The following CEP162 variants were observed in gnomAD, a reference collection of about 807,000 sequenced individuals.
The protein encoded by CEP162 is centrosomal protein 162, also known as centrosomal protein of 162 kDa.
CEP162 carries 141 observed loss-of-function variants against 169.2 expected under a neutral mutation model. That is an observed-to-expected ratio of 0.83 (90% CI 0.73 to 0.96). CEP162 has a LOEUF of 0.96. Ranked by LOEUF, CEP162 falls within the 40% of genes least tolerant of loss-of-function variation. The pLI, the probability that CEP162 is intolerant of heterozygous loss-of-function variation, is 0.00. For synonymous variants in CEP162, 540 were observed against 526.4 expected (o/e 1.03, Z -0.35); for missense variants, 1,600 against 1,587.2 (o/e 1.01, Z -0.14).
At chr6:84,194,093 G>A (rs571908496) in intron 10 of CEP162, among the ~76,000 whole-genome samples, 1 of 152,264 alleles carries the variant, frequency 6.6e-6, no homozygotes, top group East Asian at 1.9e-4. Flanking sequence ...AGTGGCTCAT[G>A]CCTGTAATCT....
intron 13 of CEP162, among the ~76,000 whole-genome samples, chr6:84,182,265 A>C (rs551400993): frequency 8.5e-4 from 129 of 152,234 alleles, no homozygotes; most frequent in African/African-American, 3.0e-3. Context: ...CATTGCAAGC[A>C]TTCTTTCACT....
At chr6:84,206,375 T>C (rs1475213556) in intron 6 of CEP162, among the ~76,000 whole-genome samples, 1 of 152,008 alleles carries the variant, frequency 6.6e-6, no homozygotes, top group African/African-American at 2.4e-5. Context: ...AACAGAGATG[T>C]AGACCAATGG....
At chr6:84,210,149 T>C (rs1325910761) in intron 6 of CEP162, among the ~76,000 whole-genome samples, 1 of 152,200 alleles carries the variant, frequency 6.6e-6, no homozygotes, top group Non-Finnish European at 1.5e-5. Context: ...CGCAGGTAGA[T>C]GTTACATATT....
intron 9 of CEP162, among the ~76,000 whole-genome samples, chr6:84,195,873 A>G (rs1014554282): frequency 6.6e-6 from 1 of 152,140 alleles, no homozygotes; most frequent in Admixed American, 6.5e-5. Flanking sequence ...TGACTCCCAA[A>G]TCTATGTCTT....
rs141495383 is a variant in CEP162 at position 84,191,379 on chromosome 6, T to C, written c.1109+2230A>G. On this transcript the variant is annotated intron_variant, in intron 11 of 26. Coordinates refer to ENST00000403245, the MANE Select transcript of CEP162 (RefSeq NM_014895.4). ...TAACTGATTTAAGGTAGCCCCTTCT[T>C]AATAGAATAATAACCTAATCAAGGA... is the stretch of plus-strand genomic sequence containing the variant. Among the ~76,000 whole-genome samples, 18 of 152,304 alleles carry C rather than the reference T, an allele frequency of 1.2e-4. No homozygotes were observed. In the East Asian group the frequency reaches 3.1e-3, roughly 26 times the overall value.
At chr6:84,173,641 G>A (rs1562041242) in intron 16 of CEP162, among the ~76,000 whole-genome samples, 1 of 151,298 alleles carries the variant, frequency 6.6e-6, no homozygotes. Context: ...TATTTGCCAG[G>A]ATTACCATTA....
chr6:84,152,663 C>A lies in CEP162; in HGVS notation c.3511G>T (p.Glu1171Ter), dbSNP rs2099521562. Residue 1171 changes from glutamate to a stop codon, truncating the protein, a stop_gained, in exon 23 of 27, where the codon GAA (glutamate) becomes TAA (stop). Transcript: ENST00000403245. LOFTEE classifies it high-confidence loss of function. ...AATCTGTAGTTTTCTTGTAAAACTT[C>A]TGAAACATGGGAATCAGTGAAAGTA... ...PHTFTDSHVS[E>*]VLQENYRLKN... is the part of the protein sequence containing the mutation. The A allele has an allele frequency of 5.0e-6, 8 of 1,610,502 alleles. No individual in the cohort carries two copies. Among genetic ancestry groups the A allele is most frequent in the Non-Finnish European group, 6.8e-6 (8 of 1,178,256 alleles).
At chr6:84,127,579 A>AT (rs1183543430) in intron 25 of CEP162, among the ~76,000 whole-genome samples, 2 of 152,158 alleles carry the variant, frequency 1.3e-5, no homozygotes, top group Admixed American at 1.3e-4. Context: ...TATTAAAATT[A>AT]TTTTTTAAAA....
At chr6:84,130,648 G>T (rs1455040036) in intron 25 of CEP162, among the ~76,000 whole-genome samples, 1 of 152,148 alleles carries the variant, frequency 6.6e-6, no homozygotes, top group African/African-American at 2.4e-5. Context: ...TTTGCATAGA[G>T]GTGTTTATAG....
At chr6:84,194,378 GAA>G (rs959556544) in intron 10 of CEP162, among the ~76,000 whole-genome samples, 1 of 139,450 alleles carries the variant, frequency 7.2e-6, no homozygotes, top group African/African-American at 2.5e-5. Context: ...GAAAAGAAAA[GAA>G]AGTGAAATTT....
At chr6:84,195,114 A>G in intron 9 of CEP162, 39 bp from the exon 10 acceptor site, 1 of 1,424,720 alleles carries the variant, frequency 7.0e-7, no homozygotes, top group Non-Finnish European at 9.5e-7. Context: ...TAATTACATC[A>G]CAAATACATG....
intron 7 of CEP162, among the ~76,000 whole-genome samples, chr6:84,202,633 T>G (rs1251838166): frequency 2.0e-5 from 3 of 148,624 alleles, no homozygotes; most frequent in Admixed American, 1.4e-4. Flanking sequence ...GTTCGAGCAA[T>G]TCTCCTGCCT....
In CEP162 at chr6:84,185,468, G is replaced by C. The variant is rs2099536767; in HGVS notation, c.1402-20C>G. 6.3e-7 allele frequency: 1 copy of C among 1,590,114 alleles called. No homozygotes were observed. The highest frequency in any genetic ancestry group is 1.1e-5 in the South Asian group (1 of 88,806). On this transcript the variant is annotated intron_variant, in intron 12 of 26. Transcript: ENST00000403245. ...GTAAGTCTGTACACAACAAACAAAA[G>C]CTCTTTAGTACCTAAATAAACTTTA...
At chr6:84,138,385 T>C (rs1321939530) in intron 25 of CEP162, among the ~76,000 whole-genome samples, 2 of 152,210 alleles carry the variant, frequency 1.3e-5, no homozygotes, top group African/African-American at 4.8e-5. Flanking sequence ...AGCCTGAGCA[T>C]TTCCTGGAGC....
In CEP162 at chr6:84,185,429, C is replaced by T; in HGVS notation, c.1421G>A (p.Ser474Asn). The T allele has an allele frequency of 6.2e-7, 1 of 1,613,350 alleles. No individual in the cohort carries two copies. The highest frequency in any genetic ancestry group is 1.1e-5 in the South Asian group (1 of 91,048). Reference protein sequence around the residue: ...KINKTYRSQLSSEEEGAVMGK... With the variant: ...KINKTYRSQLNSEEEGAVMGK... ...CATTACAGCCCCTTCTTCTTCAGAACTAAGTTGAGATCTGTAAGTCTGTAC... is the reference window on the plus strand; with the variant it reads ...CATTACAGCCCCTTCTTCTTCAGAATTAAGTTGAGATCTGTAAGTCTGTAC... The change falls in exon 13 of 27, where the codon AGT (serine) becomes AAT (asparagine). Residue 474 changes from serine to asparagine, a missense_variant. Physicochemically the swap from Ser to Asn is conservative, Grantham distance 46. Transcript: ENST00000403245.
At chr6:84,183,246 T>C (rs1055486097) in intron 13 of CEP162, among the ~76,000 whole-genome samples, 8 of 152,218 alleles carry the variant, frequency 5.3e-5, no homozygotes, top group African/African-American at 1.2e-4. Context: ...CATAAAAATA[T>C]TAGTCTTCAT....
At chr6:84,201,994 T>TA (rs1258743007) in intron 7 of CEP162, among the ~76,000 whole-genome samples, 1 of 152,196 alleles carries the variant, frequency 6.6e-6, no homozygotes, top group Non-Finnish European at 1.5e-5. Flanking sequence ...ACTTGGCAAT[T>TA]ACCAAAATTA....
intron 3 of CEP162, among the ~76,000 whole-genome samples, chr6:84,220,586 C>G (rs9449845): frequency 0.05 from 7,566 of 152,208 alleles, 630 homozygotes; most frequent in African/African-American, 0.17. Flanking sequence ...GATTGTGTTA[C>G]TGCCCTTCAG....
intron 25 of CEP162, among the ~76,000 whole-genome samples, chr6:84,141,747 A>C (rs2099516749): frequency 6.6e-6 from 1 of 152,206 alleles, no homozygotes; most frequent in South Asian, 2.1e-4. Flanking sequence ...GGGAACTGGC[A>C]GCCAGGCTGG....
Sources: allele counts gnomAD v4.1 joint callset (sites outside exome capture counted in the v4.1 genomes callset), GRCh38; gene constraint gnomAD v4.1.1; transcripts MANE v1.5; gene names NCBI Gene and HGNC (gene_info 2026-07-23, HGNC 2026-07-21).